The following AHI1 variants were observed in gnomAD, a reference collection of about 807,000 sequenced individuals.
The protein encoded by AHI1 is Abelson helper integration site 1.
In AHI1, 123 loss-of-function variants were observed where a neutral mutation model predicts 149.3. The observed-to-expected ratio is 0.82, with a 90% CI of 0.71 to 0.96. The LOEUF is 0.96. AHI1 is among the 40% of genes least tolerant of loss of function. AHI1 has a pLI of 0.00. For synonymous variants in AHI1, 475 were observed against 459.8 expected (o/e 1.03, Z -0.42); for missense variants, 1,439 against 1,422.7 (o/e 1.01, Z -0.18).
At chr6:135,489,328 T>A (rs564406222) in intron 5 of AHI1, among the ~76,000 whole-genome samples, 25 of 152,284 alleles carry the variant, frequency 1.6e-4, no homozygotes, top group African/African-American at 6.0e-4. Flanking sequence ...TAAATGGACA[T>A]AGCCTCTGCC....
intron 13 of AHI1, 26 bp from the exon 14 acceptor site, chr6:135,442,740 T>C: frequency 6.4e-7 from 1 of 1,574,270 alleles, no homozygotes; most frequent in Non-Finnish European, 8.6e-7. Context: ...TTAAAAAATA[T>C]AAATTAGCAA....
chr6:135,388,968 C>T (rs528204411), intron 23 of AHI1, among the ~76,000 whole-genome samples: 91 of 150,462 alleles, frequency 6.0e-4, no homozygotes, highest in South Asian at 1.1e-3. Flanking sequence ...GCTGAGACCG[C>T]GCCACTGCAC....
chr6:135,290,045 C>G (rs1782146776), intron 28 of AHI1, among the ~76,000 whole-genome samples: 1 of 152,162 alleles, frequency 6.6e-6, no homozygotes, highest in African/African-American at 2.4e-5. Flanking sequence ...GGCTCCTTCT[C>G]AAGTGGCTCT....
At chr6:135,399,539 C>T (rs1779723698) in intron 22 of AHI1, among the ~76,000 whole-genome samples, 1 of 152,074 alleles carries the variant, frequency 6.6e-6, no homozygotes, top group South Asian at 2.1e-4. Context: ...CTTGGTTATC[C>T]TGCTATGTCC....
At chr6:135,338,650 A>G (rs1444841827) in intron 24 of AHI1, among the ~76,000 whole-genome samples, 1 of 152,212 alleles carries the variant, frequency 6.6e-6, no homozygotes, top group Non-Finnish European at 1.5e-5. Flanking sequence ...TAATCTCAGG[A>G]GTGTGATTTT....
At chr6:135,349,860 G>A (rs146488604) in intron 24 of AHI1, among the ~76,000 whole-genome samples, 13 of 152,132 alleles carry the variant, frequency 8.5e-5, no homozygotes, top group Non-Finnish European at 1.5e-4. Context: ...TAAGTCCCTT[G>A]GCAAGAGACC....
In AHI1 at chr6:135,318,575, G is replaced by A. The variant is rs1786325756; in HGVS notation, c.3370C>T (p.Pro1124Ser). The part of the protein sequence containing the change: ...ELPPEIKERS[P>S]PLSPEEKTKI... ...GTTTTTTCCTCAGGGCTTAAAGGAG[G>A]GGATCGCTCCTTTATCTCAGGAGGC... Residue 1124 changes from proline to serine, a missense_variant, in exon 26 of 29, where the codon CCT (proline) becomes TCT (serine). Coordinates refer to ENST00000265602, the MANE Select transcript of AHI1 (RefSeq NM_001134831.2). 4 of 1,606,076 alleles carry A rather than the reference G, an allele frequency of 2.5e-6. No homozygotes were observed. The South Asian group carries it at 3.4e-5, about 14-fold the overall frequency.
At position 135,285,519 on chromosome 6, in the gene AHI1, CAAG is replaced by C; in HGVS notation, c.*123_*125del. ...ATTTTTCTAGAGTCATTCATAAGAA[CAAG>C]AAGTAGTGGATCCTTTCTTCCTCCT... On this transcript the variant is annotated 3_prime_UTR_variant, in exon 29 of 29. Coordinates refer to ENST00000265602, the MANE Select transcript of AHI1 (RefSeq NM_001134831.2). 2 of 998,670 alleles carry C rather than the reference CAAG, an allele frequency of 2.0e-6. No homozygotes were observed. The highest frequency in any genetic ancestry group is 3.1e-6 in the Non-Finnish European group (2 of 654,440). 61.9% of individuals were successfully genotyped at this position (998,670 alleles called of 1,614,324 possible). A position where few individuals can be genotyped will look rare whatever the true frequency, so the allele number is the denominator to read the frequency against.
intron 23 of AHI1, among the ~76,000 whole-genome samples, chr6:135,358,433 G>A (rs899142199): frequency 1.3e-5 from 2 of 152,090 alleles, no homozygotes; most frequent in African/African-American, 2.4e-5. Flanking sequence ...TAGCAATAGC[G>A]CAAGATGTGT....
chr6:135,351,944 C>A (rs933659144), intron 24 of AHI1, among the ~76,000 whole-genome samples: 2 of 152,190 alleles, frequency 1.3e-5, no homozygotes, highest in Admixed American at 1.3e-4. Flanking sequence ...CAACCTAGGC[C>A]TGGGCCTTCC....
chr6:135,478,001 A>C (rs1792984438), intron 5 of AHI1, among the ~76,000 whole-genome samples: 1 of 151,888 alleles, frequency 6.6e-6, no homozygotes, highest in African/African-American at 2.4e-5. Context: ...GGGTTTCACC[A>C]TGTTGGCCAG....
intron 24 of AHI1, among the ~76,000 whole-genome samples, chr6:135,348,383 T>C (rs778412289): frequency 1.3e-5 from 2 of 152,212 alleles, no homozygotes; most frequent in Non-Finnish European, 2.9e-5. Context: ...TTCCTGCTAG[T>C]GACTATATTA....
At chr6:135,463,073 C>T (rs1790168673) in intron 8 of AHI1, 52 bp downstream of exon 8, 2 of 1,442,830 alleles carry the variant, frequency 1.4e-6, no homozygotes, top group Non-Finnish European at 9.3e-7. Flanking sequence ...TTCCTAGAAT[C>T]AAGTTATTTC....
chr6:135,483,372 C>T (rs1794013233), intron 5 of AHI1, among the ~76,000 whole-genome samples: 3 of 152,060 alleles, frequency 2.0e-5, no homozygotes, highest in Non-Finnish European at 2.9e-5. Context: ...AGATTTTCTA[C>T]CCTTTTAAAA....
intron 23 of AHI1, among the ~76,000 whole-genome samples, chr6:135,381,164 T>C (rs867526336): frequency 2.0e-5 from 3 of 151,944 alleles, no homozygotes; most frequent in African/African-American, 7.2e-5. Context: ...ACATTATGCC[T>C]CATAATGTCA....
Position 135,457,552 on chromosome 6 carries a change from T to G in AHI1, c.1093A>C (p.Met365Leu), listed in dbSNP as rs888935350. The part of the protein sequence containing the change: ...LKSDFMISHP[M>L]VKIHVVDEHT... Reference sequence around the variant, plus strand: ...TCATCAACCACATGAATTTTTACCATTGGGTGAGAAATCATAAAATCTGAC... The same window carrying G: ...TCATCAACCACATGAATTTTTACCAGTGGGTGAGAAATCATAAAATCTGAC... Residue 365 changes from methionine to leucine, a missense_variant, in exon 9 of 29, where the codon ATG becomes CTG. By Grantham distance (15) the Met-to-Leu change is conservative (BLOSUM62 2). Coordinates refer to ENST00000265602, the MANE Select transcript of AHI1 (RefSeq NM_001134831.2). The G allele has an allele frequency of 6.2e-7, 1 of 1,613,792 alleles. No individual in the cohort carries two copies. Among genetic ancestry groups the G allele is most frequent in the Non-Finnish European group, 8.5e-7 (1 of 1,179,858 alleles).
At chr6:135,385,825 A>AAACAG (rs1289735913) in intron 23 of AHI1, among the ~76,000 whole-genome samples, 12 of 152,186 alleles carry the variant, frequency 7.9e-5, no homozygotes, top group African/African-American at 2.2e-4. Flanking sequence ...AAACAAAACA[A>AAACAG]AACAAGGAAA....
At chr6:135,492,623 G>C (rs779237387) in intron 3 of AHI1, 2 of 985,100 alleles carry the variant, frequency 2.0e-6, no homozygotes, top group African/African-American at 3.5e-5. Flanking sequence ...ACATTTCAAC[G>C]CACTTTTAAG....
chr6:135,457,504 T>G lies in AHI1; in HGVS notation c.1141A>C (p.Lys381Gln), dbSNP rs775768164. ...VDEHTGQYVKKDDSGRPVSSY... is the reference protein window; with the variant it reads ...VDEHTGQYVKQDDSGRPVSSY... Reference sequence around the variant, plus strand: ...ATTAAAAAAAATTACCTATCATCTTTCTTGACATATTGACCAGTATGCTCA... The same window carrying G: ...ATTAAAAAAAATTACCTATCATCTTGCTTGACATATTGACCAGTATGCTCA... The change falls in exon 9 of 29, where the codon AAA (lysine) becomes CAA (glutamine). Residue 381 changes from lysine (K) to glutamine (Q), a missense_variant. Coordinates refer to ENST00000265602, the MANE Select transcript of AHI1 (RefSeq NM_001134831.2). 1 of 1,610,948 alleles carries G rather than the reference T, an allele frequency of 6.2e-7. No homozygotes were observed. Among genetic ancestry groups the G allele is most frequent in the Non-Finnish European group, 8.5e-7 (1 of 1,177,750 alleles).
Sources: gnomAD v4.1 joint callset for allele counts (sites outside exome capture counted in the v4.1 genomes callset) on GRCh38, gnomAD v4.1.1 for gene constraint, MANE v1.5 for transcripts, NCBI Gene and HGNC (gene_info 2026-07-23, HGNC 2026-07-21) for gene names.